GPR107: variants seen among roughly 807,000 people sequenced by gnomAD.
GPR107 encodes protein GPR107.
In GPR107, 31 loss-of-function variants were observed where a neutral mutation model predicts 75.5. The ratio of observed to expected loss-of-function variants is 0.41; its 90% CI spans 0.31 to 0.55. The LOEUF (loss-of-function observed/expected upper bound fraction) is 0.55, where lower values mean the gene tolerates loss of function less well. Ranked by LOEUF, GPR107 falls within the 20% of genes least tolerant of loss-of-function variation. GPR107 has a pLI of 0.26. For synonymous variants in GPR107, 267 were observed against 251.3 expected, an observed-to-expected ratio of 1.06 and a Z score of -0.59; for missense variants, 572 against 665.7, an observed-to-expected ratio of 0.86 and a Z score of 1.55.
At chr9:130,097,554 A>C (rs900370871) in intron 9 of GPR107, among the ~76,000 whole-genome samples, 2 of 152,144 alleles carry the variant, frequency 1.3e-5, no homozygotes, top group African/African-American at 4.8e-5. Context: ...CTGTTTCTCC[A>C]CATTCTTACC....
At chr9:130,061,437 G>A (rs1829921588) in intron 1 of GPR107, among the ~76,000 whole-genome samples, 1 of 152,162 alleles carries the variant, frequency 6.6e-6, no homozygotes, top group South Asian at 2.1e-4. Flanking sequence ...GAAGTGCAAA[G>A]TCCCTGAGTG....
At chr9:130,109,621 G>A (rs966106243) in intron 14 of GPR107, among the ~76,000 whole-genome samples, 4 of 147,110 alleles carry the variant, frequency 2.7e-5, no homozygotes, top group African/African-American at 5.0e-5. Context: ...CCAGGCTGGA[G>A]TGCAGTGATG....
intron 1 of GPR107, among the ~76,000 whole-genome samples, chr9:130,059,682 T>C (rs1269078425): frequency 3.9e-5 from 6 of 151,988 alleles, no homozygotes; most frequent in South Asian, 4.1e-4. Context: ...GAAAAAGTTT[T>C]GAAAAATCAG....
chr9:130,056,128 C>A (rs955973971), intron 1 of GPR107, among the ~76,000 whole-genome samples: 1 of 151,592 alleles, frequency 6.6e-6, no homozygotes, highest in Non-Finnish European at 1.5e-5. Flanking sequence ...AGCTATAGAA[C>A]CTCTCTCCAG....
chr9:130,124,577 G>A (rs1174577194), intron 14 of GPR107, among the ~76,000 whole-genome samples: 1 of 152,152 alleles, frequency 6.6e-6, no homozygotes, highest in Non-Finnish European at 1.5e-5. Context: ...GGCTCTCTGG[G>A]GGGAAAAAAT....
intron 14 of GPR107, among the ~76,000 whole-genome samples, chr9:130,123,759 T>C (rs751714228): frequency 2.6e-5 from 4 of 151,878 alleles, no homozygotes; most frequent in Non-Finnish European, 5.9e-5. Flanking sequence ...CTTCCCAAAG[T>C]GTTGGATTAC....
At chr9:130,080,561 G>A (rs959264288) in intron 5 of GPR107, among the ~76,000 whole-genome samples, 1 of 151,560 alleles carries the variant, frequency 6.6e-6, no homozygotes, top group East Asian at 1.9e-4. Flanking sequence ...GCGCAATCTC[G>A]GCTCACTGCA....
At chr9:130,125,061 T>G in intron 15 of GPR107, 97 bp downstream of exon 15, 2 of 464,710 alleles carry the variant, frequency 4.3e-6, no homozygotes, top group Non-Finnish European at 3.8e-6. Context: ...GCACAAGATG[T>G]GCCACCTGGA....
At chr9:130,097,292 C>T (rs1286686082) in intron 9 of GPR107, among the ~76,000 whole-genome samples, 1 of 151,662 alleles carries the variant, frequency 6.6e-6, no homozygotes, top group Non-Finnish European at 1.5e-5. Flanking sequence ...GTAGCTGGGA[C>T]TATAGGCATG....
intron 1 of GPR107, among the ~76,000 whole-genome samples, chr9:130,071,963 G>A (rs1163152697): frequency 2.6e-5 from 4 of 151,078 alleles, no homozygotes; most frequent in Non-Finnish European, 5.9e-5. Context: ...GGGATTACAG[G>A]CGTAATCCAG....
chr9:130,055,415 C>T (rs1422085192), intron 1 of GPR107, among the ~76,000 whole-genome samples: 1 of 151,648 alleles, frequency 6.6e-6, no homozygotes, highest in African/African-American at 2.4e-5. Flanking sequence ...GTAGTCCCAG[C>T]TACTCGGGAG....
intron 17 of GPR107, among the ~76,000 whole-genome samples, chr9:130,130,882 A>AG (rs1341763965): frequency 1.9e-4 from 28 of 151,018 alleles, no homozygotes; most frequent in African/African-American, 6.8e-4. Context: ...AAAAAGAAAA[A>AG]AAAAAAAAAA....
chr9:130,064,191 T>C (rs1473285317), intron 1 of GPR107, among the ~76,000 whole-genome samples: 10 of 52,780 alleles, frequency 1.9e-4, no homozygotes, highest in Admixed American at 4.1e-4. Flanking sequence ...TTTTCTTTTT[T>C]TTTTTTTTTT....
chr9:130,060,005 G>C (rs1201399073), intron 1 of GPR107, among the ~76,000 whole-genome samples: 1 of 151,952 alleles, frequency 6.6e-6, no homozygotes, highest in Non-Finnish European at 1.5e-5. Flanking sequence ...CTCCCAAAGT[G>C]ATAGGATTAC....
chr9:130,084,358 A>G (rs1830565253), intron 6 of GPR107, among the ~76,000 whole-genome samples: 1 of 151,488 alleles, frequency 6.6e-6, no homozygotes, highest in Non-Finnish European at 1.5e-5. Context: ...AGATCGCGCT[A>G]CTGCACTCCA....
intron 14 of GPR107, among the ~76,000 whole-genome samples, chr9:130,122,051 C>T (rs759312738): frequency 3.9e-5 from 6 of 152,054 alleles, no homozygotes; most frequent in East Asian, 1.9e-4. Flanking sequence ...CCACCATGCC[C>T]GGCTAATTTT....
chr9:130,110,510 C>T, intron 14 of GPR107: 2 of 753,444 alleles, frequency 2.7e-6, no homozygotes, highest in Non-Finnish European at 4.8e-6. Context: ...ATCACAAATA[C>T]TCTGAAAGAG....
At chr9:130,113,109 A>G (rs915126148) in intron 14 of GPR107, among the ~76,000 whole-genome samples, 1 of 152,170 alleles carries the variant, frequency 6.6e-6, no homozygotes, top group African/African-American at 2.4e-5. Flanking sequence ...TTTGTGGTGG[A>G]CATTTTCTTG....
intron 9 of GPR107, among the ~76,000 whole-genome samples, chr9:130,095,874 T>A (rs2132599254): frequency 6.6e-6 from 1 of 152,236 alleles, no homozygotes; most frequent in East Asian, 1.9e-4. Flanking sequence ...TATAAAGGCA[T>A]ATGACCAAGG....
Sources: allele counts gnomAD v4.1 joint callset (sites outside exome capture counted in the v4.1 genomes callset), GRCh38; gene constraint gnomAD v4.1.1; transcripts MANE v1.5; gene names NCBI Gene and HGNC (gene_info 2026-07-23, HGNC 2026-07-21).